Variants in EFCAB5 observed in about 807,000 individuals in gnomAD.
The protein encoded by EFCAB5 is EF-hand calcium binding domain 5.
In EFCAB5, 131 loss-of-function variants were observed where a neutral mutation model predicts 167.9. The observed-to-expected ratio is 0.78, with a 90% CI of 0.68 to 0.90. EFCAB5 has a LOEUF of 0.90. Ranked by LOEUF, EFCAB5 falls within the 40% of genes least tolerant of loss-of-function variation. The pLI is 0.00. For synonymous variants in EFCAB5, 574 were observed against 602.8 expected (o/e 0.95, Z 0.70); for missense variants, 1,663 against 1,745.2 (o/e 0.95, Z 0.84).
chr17:30,007,607 T>G (rs970596300), intron 7 of EFCAB5, among the ~76,000 whole-genome samples: 1 of 152,178 alleles, frequency 6.6e-6, no homozygotes. Flanking sequence ...TTCTGTGTGG[T>G]TAGAGACTTC....
intron 3 of EFCAB5, 31 bp from the exon 4 acceptor site, chr17:29,968,759 AT>A: frequency 7.0e-7 from 1 of 1,426,762 alleles, no homozygotes; most frequent in Non-Finnish European, 9.2e-7. Flanking sequence ...TACTTCTAAC[AT>A]TTCTTACATT....
rs769904821 is a variant in EFCAB5, at chr17:30,092,877, T to A, written c.4262T>A (p.Phe1421Tyr). The A allele has an allele frequency of 4.3e-6, 7 of 1,612,154 alleles. 1 individual carries two copies. In the South Asian group the frequency reaches 7.7e-5, roughly 18 times the overall value. Residue 1421 changes from phenylalanine (F) to tyrosine (Y), a missense_variant, in exon 22 of 23, where the codon TTT (phenylalanine) becomes TAT (tyrosine). By Grantham distance (22) the Phe-to-Tyr change is conservative. Coordinates refer to ENST00000394835, the MANE Select transcript of EFCAB5 (RefSeq NM_198529.4). ...NKYLVNNICA[F>Y]DPTAKHVEVN... ...TATTTAGTCAACAATATTTGTGCCTTTGATCCAACTGCCAAGCATGTGGAA... is the reference window on the plus strand; with the variant it reads ...TATTTAGTCAACAATATTTGTGCCTATGATCCAACTGCCAAGCATGTGGAA...
intron 14 of EFCAB5, chr17:30,068,602 C>T (rs1476954743): frequency 4.3e-6 from 6 of 1,404,250 alleles, no homozygotes; most frequent in Non-Finnish European, 2.9e-6. Context: ...GGGCAGGTCC[C>T]TTGTGGGGCT....
chr17:29,971,784 T>C (rs2067960176), intron 4 of EFCAB5, among the ~76,000 whole-genome samples: 3 of 152,238 alleles, frequency 2.0e-5, no homozygotes, highest in Non-Finnish European at 4.4e-5. Flanking sequence ...AATATTTCTT[T>C]CCTTTTAATT....
intron 7 of EFCAB5, among the ~76,000 whole-genome samples, chr17:30,023,682 G>A (rs1008416246): frequency 1.3e-5 from 2 of 152,076 alleles, no homozygotes; most frequent in African/African-American, 4.8e-5. Flanking sequence ...CTCATTTTAT[G>A]AGGCCAGCAT....
At position 30,084,829 on chromosome 17, in the gene EFCAB5, A is replaced by G. The variant is rs188751687; in HGVS notation, c.3579+1786A>G. Among the ~76,000 whole-genome samples, 333 of 152,246 alleles carry G rather than the reference A, an allele frequency of 2.2e-3. 4 individuals are homozygous for G. Among genetic ancestry groups the G allele is most frequent in the Non-Finnish European group, 1.0e-3 (68 of 68,016 alleles). ...CTGCCAACAGGACACTGGAGGGCAG[A>G]AGTAGAGTGCAACTGGGGCATTGAT... On this transcript the variant is annotated intron_variant, in intron 18 of 22. Transcript: ENST00000394835.
At position 30,053,569 on chromosome 17, in the gene EFCAB5, T is replaced by G; in HGVS notation, c.1615T>G (p.Tyr539Asp). Residue 539 changes from tyrosine (Y) to aspartate (D), a missense_variant, in exon 10 of 23, where the codon TAC (tyrosine) becomes GAC (aspartate). Transcript: ENST00000394835. ...GKKPTAEQEL[Y>D]IESVIEPGTH... The stretch of plus-strand genomic sequence containing the variant: ...AAAGCCAACTGCAGAGCAAGAACTG[T>G]ACATAGAATCAGTAATAGAACCAGG... 2 of 1,613,758 alleles carry G rather than the reference T, an allele frequency of 1.2e-6. No homozygotes were observed. The highest frequency in any genetic ancestry group is 1.7e-6 in the Non-Finnish European group (2 of 1,179,856).
intron 6 of EFCAB5, among the ~76,000 whole-genome samples, chr17:29,999,705 T>A (rs1436204402): frequency 1.3e-5 from 2 of 152,106 alleles, no homozygotes; most frequent in Non-Finnish European, 2.9e-5. Flanking sequence ...TTTTAGTATT[T>A]GGTTTGCTTG....
At chr17:30,100,070 G>A (rs2151858311) in intron 22 of EFCAB5, among the ~76,000 whole-genome samples, 1 of 151,226 alleles carries the variant, frequency 6.6e-6, no homozygotes, top group African/African-American at 2.4e-5. Flanking sequence ...GAGGATTCTG[G>A]GATATACAGA....
At chr17:29,975,726 G>GA (rs1194127095) in intron 4 of EFCAB5, among the ~76,000 whole-genome samples, 1 of 152,180 alleles carries the variant, frequency 6.6e-6, no homozygotes, top group Non-Finnish European at 1.5e-5. Context: ...GTGTGGTTAT[G>GA]AAATTTTTAT....
At chr17:30,039,462 T>A (rs2069711531) in intron 8 of EFCAB5, among the ~76,000 whole-genome samples, 1 of 152,220 alleles carries the variant, frequency 6.6e-6, no homozygotes, top group South Asian at 2.1e-4. Context: ...TGCCTTGTTA[T>A]ACCTTGTGGA....
chr17:30,002,421 C>G (rs948361603), intron 7 of EFCAB5, among the ~76,000 whole-genome samples: 1 of 152,210 alleles, frequency 6.6e-6, no homozygotes, highest in Admixed American at 6.5e-5. Flanking sequence ...TTCAGTACCA[C>G]AAAGGTCTAC....
chr17:30,098,851 T>G lies in EFCAB5; in HGVS notation c.4321+5915T>G, dbSNP rs79356080. Among the ~76,000 whole-genome samples, 335 of 152,280 alleles carry G rather than the reference T, an allele frequency of 2.2e-3. 5 individuals carry two copies. Among genetic ancestry groups the G allele is most frequent in the African/African-American group, 7.9e-3 (330 of 41,558 alleles). On this transcript the variant is annotated intron_variant, in intron 22 of 22. Transcript: ENST00000394835. ...AGCTCCTGGGAGCCACTAATCTACT[T>G]TATGTCTCTATGGATTTACCTATTC...
chr17:30,065,422 G>A (rs887974061), intron 14 of EFCAB5, among the ~76,000 whole-genome samples: 2 of 152,050 alleles, frequency 1.3e-5, no homozygotes, highest in African/African-American at 4.8e-5. Context: ...CCAGCATTTC[G>A]GGAGCTGAGG....
intron 14 of EFCAB5, among the ~76,000 whole-genome samples, chr17:30,076,055 G>T (rs1478952404): frequency 6.6e-6 from 1 of 152,230 alleles, no homozygotes; most frequent in East Asian, 1.9e-4. Context: ...GAAAAAGTCC[G>T]GTACTAGTTT....
At chr17:29,963,979 C>T (rs908099128) in intron 3 of EFCAB5, among the ~76,000 whole-genome samples, 1 of 151,924 alleles carries the variant, frequency 6.6e-6, no homozygotes, top group African/African-American at 2.4e-5. Flanking sequence ...TGTGATATGC[C>T]AGCCCCGCCC....
At chr17:30,079,629 G>A (rs1016233599) in intron 15 of EFCAB5, among the ~76,000 whole-genome samples, 1 of 152,090 alleles carries the variant, frequency 6.6e-6, no homozygotes, top group African/African-American at 2.4e-5. Context: ...AGAGTTCCTC[G>A]AGAGCATTTT....
intron 7 of EFCAB5, among the ~76,000 whole-genome samples, chr17:30,024,188 T>C (rs908755267): frequency 2.6e-5 from 4 of 151,804 alleles, no homozygotes; most frequent in Non-Finnish European, 5.9e-5. Flanking sequence ...CCAGGGCAAT[T>C]AGGCAGGAGA....
chr17:30,078,067 A>G, intron 14 of EFCAB5, 148 bp from the exon 15 acceptor site: 1 of 725,866 alleles, frequency 1.4e-6, no homozygotes, highest in South Asian at 2.0e-5. Flanking sequence ...AACATATTCC[A>G]CTGGGCTCAG....
Sources: allele counts gnomAD v4.1 joint callset (sites outside exome capture counted in the v4.1 genomes callset), GRCh38; gene constraint gnomAD v4.1.1; transcripts MANE v1.5; gene names NCBI Gene and HGNC (gene_info 2026-07-23, HGNC 2026-07-21).